PDE8A: variants seen among roughly 807,000 people sequenced by gnomAD.
PDE8A encodes phosphodiesterase 8A.
A neutral mutation model predicts 105.0 loss-of-function variants in PDE8A; 59 were observed. The observed-to-expected ratio is 0.56, with a 90% CI of 0.46 to 0.70. The LOEUF (loss-of-function observed/expected upper bound fraction) is 0.70, where lower values mean the gene tolerates loss of function less well. Among genes scored for constraint, PDE8A ranks in the 30% least tolerant of loss-of-function variants. The probability of loss-of-function intolerance (pLI) is 0.00; values close to 1 mark genes in which losing one functional copy is unlikely to be tolerated. For synonymous variants in PDE8A, 355 were observed against 371.9 expected (o/e 0.95, Z 0.52); for missense variants, 1,014 against 1,045.9 (o/e 0.97, Z 0.42).
intron 1 of PDE8A, among the ~76,000 whole-genome samples, chr15:84,999,670 G>A (rs2080036774): frequency 6.6e-6 from 1 of 152,084 alleles, no homozygotes; most frequent in South Asian, 2.1e-4. Flanking sequence ...TGCCTCCCGG[G>A]TTCAAGCGAT....
intron 1 of PDE8A, chr15:85,063,746 T>C (rs891155010): frequency 3.3e-5 from 5 of 152,528 alleles, no homozygotes; most frequent in Admixed American, 1.3e-4. Flanking sequence ...AAGTCTTCCA[T>C]TGGTGCTGTG....
intron 8 of PDE8A, among the ~76,000 whole-genome samples, chr15:85,096,300 A>G (rs1051825776): frequency 2.2e-4 from 34 of 151,982 alleles, no homozygotes; most frequent in African/African-American, 8.0e-4. Context: ...CATTGAAAGT[A>G]TACTATTTGA....
At chr15:85,088,113 G>A (rs1264178963) in intron 6 of PDE8A, among the ~76,000 whole-genome samples, 1 of 152,170 alleles carries the variant, frequency 6.6e-6, no homozygotes, top group Non-Finnish European at 1.5e-5. Flanking sequence ...CTGCTTCCTG[G>A]GTTCAAGAGA....
intron 1 of PDE8A, among the ~76,000 whole-genome samples, chr15:84,986,615 CT>C (rs10714340): frequency 0.56 from 81,764 of 145,668 alleles, 22,585 homozygotes; most frequent in Non-Finnish European, 0.61. Context: ...TTAGTCAAAA[CT>C]TTTTTTTTTT....
intron 9 of PDE8A, among the ~76,000 whole-genome samples, chr15:85,098,594 C>T (rs1447673272): frequency 2.0e-5 from 3 of 151,978 alleles, no homozygotes; most frequent in African/African-American, 7.3e-5. Context: ...TTATAGAACA[C>T]CTAAAATATT....
chr15:85,136,801 G>A (rs762407801), intron 21 of PDE8A, 138 bp downstream of exon 21: 8 of 720,740 alleles, frequency 1.1e-5, no homozygotes, highest in Admixed American at 5.7e-5. Flanking sequence ...AACCATCACC[G>A]AGGGCCCCTG....
At chr15:85,081,017 C>T (rs1263657312) in intron 5 of PDE8A, among the ~76,000 whole-genome samples, 3 of 152,200 alleles carry the variant, frequency 2.0e-5, no homozygotes, top group Admixed American at 1.3e-4. Context: ...CTAATTAGTG[C>T]TAACTAATCT....
intron 1 of PDE8A, among the ~76,000 whole-genome samples, chr15:84,998,274 C>T (rs2080011776): frequency 6.6e-6 from 1 of 152,224 alleles, no homozygotes; most frequent in South Asian, 2.1e-4. Context: ...CAAGCTAACT[C>T]TTGTCCTTTA....
chr15:85,086,427 T>C (rs2081553362), intron 6 of PDE8A, among the ~76,000 whole-genome samples: 1 of 152,154 alleles, frequency 6.6e-6, no homozygotes, highest in African/African-American at 2.4e-5. Context: ...TTGTAACATA[T>C]AGGACAGACA....
chr15:85,012,304 T>C (rs2141334771), intron 1 of PDE8A, among the ~76,000 whole-genome samples: 1 of 152,116 alleles, frequency 6.6e-6, no homozygotes, highest in East Asian at 1.9e-4. Flanking sequence ...AACCCAAATA[T>C]CCAACAATGA....
At chr15:85,062,317 G>A (rs2081159241) in intron 1 of PDE8A, among the ~76,000 whole-genome samples, 2 of 152,180 alleles carry the variant, frequency 1.3e-5, no homozygotes, top group South Asian at 4.1e-4. Flanking sequence ...AGTCTAATGT[G>A]TAAACTCAAG....
At chr15:85,047,394 T>A (rs1006650433) in intron 1 of PDE8A, among the ~76,000 whole-genome samples, 6 of 152,096 alleles carry the variant, frequency 3.9e-5, no homozygotes, top group Non-Finnish European at 8.8e-5. Context: ...TGGTGGTTAT[T>A]TTGGGGGGAG....
chr15:85,117,140 C>A (rs1567297403), intron 16 of PDE8A, among the ~76,000 whole-genome samples: 1 of 152,202 alleles, frequency 6.6e-6, no homozygotes, highest in African/African-American at 2.4e-5. Context: ...CGCCCACCTC[C>A]AGAAAGGTGG....
At chr15:85,040,337 G>A (rs1428356106) in intron 1 of PDE8A, among the ~76,000 whole-genome samples, 1 of 144,578 alleles carries the variant, frequency 6.9e-6, no homozygotes, top group Admixed American at 7.0e-5. Context: ...GGATTACGGC[G>A]TGAGCCACCA....
chr15:84,996,161 T>C (rs2079972378), intron 1 of PDE8A, among the ~76,000 whole-genome samples: 3 of 150,390 alleles, frequency 2.0e-5, no homozygotes, highest in Admixed American at 2.0e-4. Context: ...TTCTTTTTTT[T>C]AGATAGTGTT....
At chr15:85,135,798 G>A (rs1357262481) in intron 20 of PDE8A, among the ~76,000 whole-genome samples, 1 of 152,076 alleles carries the variant, frequency 6.6e-6, no homozygotes, top group African/African-American at 2.4e-5. Flanking sequence ...AGTTTTTTGC[G>A]AGTCTCTCTG....
intron 1 of PDE8A, among the ~76,000 whole-genome samples, chr15:85,057,743 T>C (rs1476827298): frequency 6.6e-6 from 1 of 152,226 alleles, no homozygotes; most frequent in East Asian, 1.9e-4. Context: ...GTTTTTATCA[T>C]GAAAGGATAT....
intron 7 of PDE8A, 148 bp from the exon 8 acceptor site, chr15:85,090,896 A>C: frequency 1.4e-6 from 1 of 693,422 alleles, no homozygotes; most frequent in South Asian, 1.6e-5. Flanking sequence ...TTATGTGCTT[A>C]TGGCTTCACA....
At chr15:85,110,086 A>C (rs772222007) in intron 12 of PDE8A, among the ~76,000 whole-genome samples, 3 of 152,190 alleles carry the variant, frequency 2.0e-5, no homozygotes, top group African/African-American at 7.2e-5. Flanking sequence ...TGAGGATTCA[A>C]TGAGTGTGTA....
Sources: gnomAD v4.1 joint callset for allele counts (sites outside exome capture counted in the v4.1 genomes callset) on GRCh38, gnomAD v4.1.1 for gene constraint, MANE v1.5 for transcripts, NCBI Gene and HGNC (gene_info 2026-07-23, HGNC 2026-07-21) for gene names.